The following ASIC2 variants were observed in gnomAD, a reference collection of about 807,000 sequenced individuals.
ASIC2 encodes the protein acid sensing ion channel subunit 2.
ASIC2 carries 25 observed loss-of-function variants against 57.3 expected under a neutral mutation model. That is an observed-to-expected ratio of 0.44 (90% confidence interval 0.32 to 0.61). The LOEUF is 0.61. Among genes scored for constraint, ASIC2 ranks in the 20% least tolerant of loss-of-function variants. The pLI, the probability that ASIC2 is intolerant of heterozygous loss-of-function variation, is 0.06. For synonymous variants in ASIC2, 319 were observed against 307.5 expected, an observed-to-expected ratio of 1.04 and a Z score of -0.39; for missense variants, 641 against 738.1, an observed-to-expected ratio of 0.87 and a Z score of 1.52.
intron 1 of ASIC2, among the ~76,000 whole-genome samples, chr17:33,432,201 C>T (rs117761606): frequency 0.022 from 3,425 of 152,294 alleles, 53 homozygotes; most frequent in Middle Eastern, 0.085. Flanking sequence ...GTCTACTCAA[C>T]GTGAAGACAA....
At chr17:34,099,241 GAA>G (rs1910707113) in intron 1 of ASIC2, among the ~76,000 whole-genome samples, 1 of 142,662 alleles carries the variant, frequency 7.0e-6, no homozygotes, top group South Asian at 2.2e-4. Context: ...AAGAAAGAGA[GAA>G]AGGAAGGAAG....
intron 1 of ASIC2, among the ~76,000 whole-genome samples, chr17:33,899,835 A>G (rs1449183346): frequency 6.6e-6 from 1 of 152,212 alleles, no homozygotes; most frequent in African/African-American, 2.4e-5. Flanking sequence ...TATTTCATAT[A>G]AGAGTGCAGG....
At chr17:33,335,614 A>G (rs1907483428) in intron 1 of ASIC2, among the ~76,000 whole-genome samples, 1 of 152,120 alleles carries the variant, frequency 6.6e-6, no homozygotes, top group South Asian at 2.1e-4. Flanking sequence ...TTACAGGAGA[A>G]CCTACACTTG....
At chr17:33,930,281 G>C (rs1371494168) in intron 1 of ASIC2, among the ~76,000 whole-genome samples, 1 of 152,156 alleles carries the variant, frequency 6.6e-6, no homozygotes, top group African/African-American at 2.4e-5. Flanking sequence ...GGCTCCTTTT[G>C]TGTTTCATTT....
intron 1 of ASIC2, among the ~76,000 whole-genome samples, chr17:33,261,571 A>T (rs1297968974): frequency 3.3e-5 from 5 of 152,194 alleles, no homozygotes; most frequent in African/African-American, 4.8e-5. Context: ...TCACACAACC[A>T]GTTCTTTGCA....
intron 1 of ASIC2, among the ~76,000 whole-genome samples, chr17:33,396,960 C>T (rs1910098612): frequency 6.6e-6 from 1 of 152,190 alleles, no homozygotes; most frequent in Non-Finnish European, 1.5e-5. Context: ...TGAGTTTATT[C>T]TTCCCTCCCC....
At chr17:33,790,469 T>C (rs985504215) in intron 1 of ASIC2, among the ~76,000 whole-genome samples, 1 of 152,210 alleles carries the variant, frequency 6.6e-6, no homozygotes, top group Non-Finnish European at 1.5e-5. Flanking sequence ...TTTTTCTAGA[T>C]ATTGTGTTTG....
intron 1 of ASIC2, among the ~76,000 whole-genome samples, chr17:33,354,313 C>T (rs1355614273): frequency 6.6e-6 from 1 of 152,166 alleles, no homozygotes; most frequent in Non-Finnish European, 1.5e-5. Flanking sequence ...TCCTCATGCT[C>T]TCCATCCCCA....
chr17:33,957,052 T>C (rs1904758246), intron 1 of ASIC2, among the ~76,000 whole-genome samples: 1 of 152,224 alleles, frequency 6.6e-6, no homozygotes, highest in African/African-American at 2.4e-5. Flanking sequence ...TTCTCTCTGC[T>C]AATCCTAGAG....
chr17:33,027,809 T>C (rs2091865290), intron 4 of ASIC2, among the ~76,000 whole-genome samples: 1 of 152,270 alleles, frequency 6.6e-6, no homozygotes, highest in South Asian at 2.1e-4. Context: ...TGCACATTTA[T>C]TTGCTGGCCA....
chr17:33,681,831 C>T (rs974610816), intron 1 of ASIC2, among the ~76,000 whole-genome samples: 2 of 152,198 alleles, frequency 1.3e-5, no homozygotes, highest in Admixed American at 6.5e-5. Flanking sequence ...CTGTCCCCTA[C>T]TAGAACATAA....
intron 1 of ASIC2, among the ~76,000 whole-genome samples, chr17:34,144,911 T>A (rs1177336343): frequency 6.6e-6 from 1 of 152,162 alleles, no homozygotes; most frequent in African/African-American, 2.4e-5. Context: ...CAAACTCCTA[T>A]AGCTGGGTCT....
chr17:33,911,320 T>C (rs1915456983), intron 1 of ASIC2, among the ~76,000 whole-genome samples: 1 of 152,226 alleles, frequency 6.6e-6, no homozygotes, highest in South Asian at 2.1e-4. Context: ...GATGGACACC[T>C]GGCTCCATCA....
At chr17:33,568,731 T>G (rs1481096862) in intron 1 of ASIC2, among the ~76,000 whole-genome samples, 4 of 152,240 alleles carry the variant, frequency 2.6e-5, no homozygotes, top group Non-Finnish European at 5.9e-5. Flanking sequence ...ATATTCTTTT[T>G]GAGGGGAAGG....
chr17:33,972,712 C>T (rs1905256639), intron 1 of ASIC2, among the ~76,000 whole-genome samples: 1 of 152,226 alleles, frequency 6.6e-6, no homozygotes, highest in Non-Finnish European at 1.5e-5. Context: ...CTAGCTCCTG[C>T]CACATGGCTA....
intron 1 of ASIC2, among the ~76,000 whole-genome samples, chr17:33,454,621 A>G (rs768951519): frequency 6.6e-6 from 1 of 152,246 alleles, no homozygotes; most frequent in Admixed American, 6.5e-5. Context: ...TAGACAGCAC[A>G]TAAATATAGC....
chr17:33,559,420 C>T (rs572439110), intron 1 of ASIC2, among the ~76,000 whole-genome samples: 23 of 152,318 alleles, frequency 1.5e-4, no homozygotes, highest in African/African-American at 5.5e-4. Flanking sequence ...TGCCCCTCTA[C>T]ATCACAGCTA....
intron 1 of ASIC2, among the ~76,000 whole-genome samples, chr17:33,831,472 C>G (rs1913108948): frequency 6.6e-6 from 1 of 152,068 alleles, no homozygotes; most frequent in Admixed American, 6.6e-5. Flanking sequence ...CAAGACCACA[C>G]TGTCTTCCCT....
At chr17:33,030,627 C>A (rs546510901) in intron 3 of ASIC2, among the ~76,000 whole-genome samples, 21 of 152,208 alleles carry the variant, frequency 1.4e-4, no homozygotes, top group South Asian at 8.3e-4. Flanking sequence ...CATTATTACA[C>A]CATAATATAT....
Sources: allele counts gnomAD v4.1 joint callset (sites outside exome capture counted in the v4.1 genomes callset), GRCh38; gene constraint gnomAD v4.1.1; transcripts MANE v1.5; gene names NCBI Gene and HGNC (gene_info 2026-07-23, HGNC 2026-07-21).